The following MLLT3 variants were observed in gnomAD, a reference collection of about 807,000 sequenced individuals.
MLLT3 encodes the protein MLLT3 super elongation complex subunit.
In MLLT3, 4 loss-of-function variants were observed where a neutral mutation model predicts 53.2. That is an observed-to-expected ratio of 0.08 (90% confidence interval 0.04 to 0.17). MLLT3 has a LOEUF of 0.17. Ranked by LOEUF, MLLT3 falls within the 10% of genes least tolerant of loss-of-function variation. MLLT3 has a pLI of 1.00. For synonymous variants in MLLT3, 283 were observed against 230.6 expected (o/e 1.23, Z -2.06); for missense variants, 569 against 684.0 (o/e 0.83, Z 1.87).
At chr9:20,363,740 A>C in intron 6 of MLLT3, 135 bp from the exon 7 acceptor site, 1 of 775,936 alleles carries the variant, frequency 1.3e-6, no homozygotes, top group African/African-American at 1.8e-5. Context: ...ACAATTTACA[A>C]GGCAAATTTG....
intron 4 of MLLT3, among the ~76,000 whole-genome samples, chr9:20,414,799 C>A (rs1312644200): frequency 2.0e-5 from 3 of 152,050 alleles, no homozygotes; most frequent in Admixed American, 6.6e-5. Context: ...ATGTTGACAA[C>A]CAAAAGACGG....
chr9:20,621,658 G>T lies in MLLT3; in HGVS notation c.12+587C>A. On this transcript the variant is annotated intron_variant, in intron 1 of 10. Transcript: ENST00000380338. The surrounding 1 kb of genome is among the most constrained non-coding windows in gnomAD (Gnocchi z 7.0). ...AAGGCAGGGCGGCGGGCGGACAGCC[G>T]CCGAGCCTCGGCTCGCGCTCAGCAC... 1 of 1,063,506 alleles carries T rather than the reference G, an allele frequency of 9.4e-7. No homozygotes were observed. The highest frequency in any genetic ancestry group is 3.4e-5 in the Admixed American group (1 of 29,078). The allele number at this position is 1,063,506 out of a possible 1,614,324, so 65.9% of individuals were successfully genotyped here. A position where few individuals can be genotyped will look rare whatever the true frequency, so the allele number is the denominator to read the frequency against.
chr9:20,445,602 G>A (rs906844385), intron 4 of MLLT3, among the ~76,000 whole-genome samples: 8 of 152,048 alleles, frequency 5.3e-5, no homozygotes, highest in African/African-American at 1.9e-4. Flanking sequence ...CAACCTTTCT[G>A]ATCTCTTGAA....
At chr9:20,372,683 C>A (rs1020395756) in intron 5 of MLLT3, among the ~76,000 whole-genome samples, 3 of 148,510 alleles carry the variant, frequency 2.0e-5, no homozygotes, top group African/African-American at 7.4e-5. Flanking sequence ...GCTGGGATTA[C>A]AGGCATGAGC....
intron 2 of MLLT3, among the ~76,000 whole-genome samples, chr9:20,484,668 T>C (rs926816958): frequency 6.6e-6 from 1 of 152,154 alleles, no homozygotes; most frequent in Non-Finnish European, 1.5e-5. Flanking sequence ...CCGGAATCCA[T>C]GAAATTTGCT....
intron 2 of MLLT3, among the ~76,000 whole-genome samples, chr9:20,518,710 G>A (rs992182245): frequency 1.3e-5 from 2 of 152,230 alleles, no homozygotes; most frequent in Non-Finnish European, 2.9e-5. Context: ...GAATGAGAAG[G>A]GCTTATCGAA....
intron 3 of MLLT3, among the ~76,000 whole-genome samples, chr9:20,449,332 G>A (rs544497430): frequency 1.1e-4 from 17 of 152,258 alleles, no homozygotes; most frequent in Non-Finnish European, 2.5e-4. Flanking sequence ...GAATTTTTCT[G>A]AATAAATAAC....
rs1823757730 is a variant in MLLT3 at position 20,448,363 on chromosome 9, C to T, written c.277-97G>A. The T allele has an allele frequency of 9.2e-7, 1 of 1,091,682 alleles. No homozygotes were observed. The highest frequency in any genetic ancestry group is 1.3e-6 in the Non-Finnish European group (1 of 758,698). 67.6% of individuals were successfully genotyped at this position (1,091,682 alleles called of 1,614,324 possible). A position where few individuals can be genotyped will look rare whatever the true frequency, so the allele number is the denominator to read the frequency against. On this transcript the variant is annotated intron_variant, in intron 3 of 10. Coordinates refer to ENST00000380338, the MANE Select transcript of MLLT3 (RefSeq NM_004529.4). This position sits in a 1 kb window ranked among gnomAD's most constrained non-coding sequence, Gnocchi z 4.0. ...ACTCCTCATAAGAAATAGAAAAGAA[C>T]TAAGACATCTAACAGCTAAACTGTC...
chr9:20,449,771 C>T (rs1363624372), intron 3 of MLLT3, among the ~76,000 whole-genome samples: 4 of 152,138 alleles, frequency 2.6e-5, no homozygotes, highest in South Asian at 4.1e-4. Context: ...TCTACTTTTC[C>T]TCTCTCTTAT....
At chr9:20,427,059 A>G (rs1270783046) in intron 4 of MLLT3, among the ~76,000 whole-genome samples, 1 of 152,138 alleles carries the variant, frequency 6.6e-6, no homozygotes, top group East Asian at 1.9e-4. Context: ...AGGATTCCCA[A>G]TGTTCACCTA....
chr9:20,447,286 A>G (rs976474096), intron 4 of MLLT3, among the ~76,000 whole-genome samples: 1 of 152,330 alleles, frequency 6.6e-6, no homozygotes, highest in African/African-American at 2.4e-5. Context: ...AAATAACTTC[A>G]TAAATAGAAA....
chr9:20,558,206 A>C (rs1039046107), intron 2 of MLLT3, among the ~76,000 whole-genome samples: 1 of 152,232 alleles, frequency 6.6e-6, no homozygotes, highest in African/African-American at 2.4e-5. Context: ...CCCCAAAATC[A>C]TATCTTCAGG....
chr9:20,414,170 T>C lies in MLLT3; in HGVS notation c.676A>G (p.Asn226Asp), dbSNP rs771099302. Residue 226 changes from asparagine to aspartate, a missense_variant, in exon 5 of 11, where the codon AAC becomes GAC. By Grantham distance (23) the Asn-to-Asp change is conservative. Coordinates refer to ENST00000380338, the MANE Select transcript of MLLT3 (RefSeq NM_004529.4). Reference protein sequence around the residue: ...SAFKEPSRDHNKSSKESSKKP... With the variant: ...SAFKEPSRDHDKSSKESSKKP... ...TTAGAGGATTCTTTGGAAGATTTGT[T>C]GTGATCCCTGGAAGGTTCTTTGAAG... 6.2e-7 allele frequency: 1 copy of C among 1,614,226 alleles called. No individual in the cohort carries two copies. The highest frequency in any genetic ancestry group is 8.5e-7 in the Non-Finnish European group (1 of 1,180,030).
rs1203175212 is a variant in MLLT3, at chr9:20,374,912, T to C, written c.1126-9168A>G. 2.6e-5 allele frequency among the ~76,000 whole-genome samples: 4 copies of C among 152,314 alleles called. No homozygotes were observed. The East Asian group carries it at 5.8e-4, about 22-fold the overall frequency. ...GAAGATGGGACCTTTGCAAGGTAAT[T>C]AGGTTTAAAATGAGGTCATGAACGT... is the stretch of plus-strand genomic sequence containing the variant. On this transcript the variant is annotated intron_variant, in intron 5 of 10. Coordinates refer to ENST00000380338, the MANE Select transcript of MLLT3 (RefSeq NM_004529.4).
At chr9:20,428,693 G>C (rs1443587624) in intron 4 of MLLT3, among the ~76,000 whole-genome samples, 1 of 151,894 alleles carries the variant, frequency 6.6e-6, no homozygotes, top group Non-Finnish European at 1.5e-5. Flanking sequence ...AGTCAACAAA[G>C]CCTAAGGAAA....
At chr9:20,439,421 A>G (rs1267918530) in intron 4 of MLLT3, among the ~76,000 whole-genome samples, 2 of 149,554 alleles carry the variant, frequency 1.3e-5, no homozygotes, top group African/African-American at 5.1e-5. Context: ...TCTATGGACT[A>G]AACAGTCATC....
chr9:20,436,055 T>C (rs552043298), intron 4 of MLLT3, among the ~76,000 whole-genome samples: 3 of 152,164 alleles, frequency 2.0e-5, no homozygotes, highest in Non-Finnish European at 4.4e-5. Context: ...AATCTTTTAA[T>C]ATCTAAGCAC....
In MLLT3 at chr9:20,346,379, C is replaced by CAAAAAAAAAAAAAAAAACAA; in HGVS notation, c.*63_*64insTTGTTTTTTTTTTTTTTTTT. On this transcript the variant is annotated 3_prime_UTR_variant, in exon 11 of 11. Coordinates refer to ENST00000380338, the MANE Select transcript of MLLT3 (RefSeq NM_004529.4). ...AACAACAAGAACAAAAAATCACAAC[C>CAAAAAAAAAAAAAAAAACAA]AAAAAAAAAAAAAACCAAAAAAAAA... 1 of 982,272 alleles carries CAAAAAAAAAAAAAAAAACAA rather than the reference C, an allele frequency of 1.0e-6. No individual in the cohort carries two copies. Among genetic ancestry groups the CAAAAAAAAAAAAAAAAACAA allele is most frequent in the Non-Finnish European group, 1.3e-6 (1 of 760,716 alleles). The allele number at this position is 982,272 out of a possible 1,614,324, so 60.8% of individuals were successfully genotyped here. A position where few individuals can be genotyped will look rare whatever the true frequency, so the allele number is the denominator to read the frequency against.
intron 2 of MLLT3, among the ~76,000 whole-genome samples, chr9:20,487,403 C>CA (rs1351302724): frequency 6.6e-6 from 1 of 152,040 alleles, no homozygotes; most frequent in Non-Finnish European, 1.5e-5. Flanking sequence ...AAGTTATTTA[C>CA]AAAATAAATT....
Sources: allele counts gnomAD v4.1 joint callset (sites outside exome capture counted in the v4.1 genomes callset), GRCh38; gene constraint gnomAD v4.1.1; non-coding constraint Gnocchi (gnomAD v3.1); transcripts MANE v1.5; gene names NCBI Gene and HGNC (gene_info 2026-07-23, HGNC 2026-07-21).